WDPCP: variants seen among roughly 807,000 people sequenced by gnomAD.
WDPCP encodes WD repeat-containing and planar cell polarity effector protein fritz homolog.
WDPCP carries 71 observed loss-of-function variants against 93.1 expected under a neutral mutation model. That is an observed-to-expected ratio of 0.76 (90% CI 0.63 to 0.93). WDPCP has a LOEUF of 0.93. Ranked by LOEUF, WDPCP falls within the 40% of genes least tolerant of loss-of-function variation. The pLI is 0.00. For synonymous variants in WDPCP, 315 were observed against 315.0 expected (o/e 1.00, Z 0.00); for missense variants, 844 against 887.4 (o/e 0.95, Z 0.62).
intron 14 of WDPCP, among the ~76,000 whole-genome samples, chr2:63,184,167 T>C (rs1043873520): frequency 2.6e-5 from 4 of 152,182 alleles, no homozygotes; most frequent in African/African-American, 9.6e-5. Context: ...TATCATAATG[T>C]TAATTGTTAT....
intron 17 of WDPCP, among the ~76,000 whole-genome samples, chr2:63,142,284 T>C (rs1162996379): frequency 6.6e-6 from 1 of 152,198 alleles, no homozygotes; most frequent in Non-Finnish European, 1.5e-5. Context: ...GCTATGAACT[T>C]TCATCTTAGC....
intron 6 of WDPCP, among the ~76,000 whole-genome samples, chr2:63,456,920 G>A (rs1468398564): frequency 6.6e-6 from 1 of 152,142 alleles, no homozygotes. Context: ...GCTGAGGCAT[G>A]AGAATCACTT....
chr2:63,258,063 A>C (rs139853739), intron 14 of WDPCP, among the ~76,000 whole-genome samples: 32 of 152,298 alleles, frequency 2.1e-4, no homozygotes, highest in Non-Finnish European at 3.8e-4. Context: ...TAGCAAATAT[A>C]AATTGTACTT....
intron 15 of WDPCP, among the ~76,000 whole-genome samples, chr2:63,165,850 C>T (rs1176889588): frequency 6.6e-6 from 1 of 151,592 alleles, no homozygotes; most frequent in African/African-American, 2.4e-5. Context: ...TTTGTTTTCT[C>T]TCCTTTTTTT....
intron 2 of WDPCP, among the ~76,000 whole-genome samples, chr2:63,720,225 T>A (rs1669395180): frequency 6.6e-6 from 1 of 151,970 alleles, no homozygotes; most frequent in South Asian, 2.1e-4. Flanking sequence ...GAGACCAGCC[T>A]GGGTACATGG....
At chr2:63,185,353 CT>C (rs1316075626) in intron 14 of WDPCP, among the ~76,000 whole-genome samples, 1 of 152,088 alleles carries the variant, frequency 6.6e-6, no homozygotes, top group East Asian at 1.9e-4. Context: ...GAAATAGTCA[CT>C]TCTTATTATT....
intron 12 of WDPCP, among the ~76,000 whole-genome samples, chr2:63,325,979 A>G (rs1007755373): frequency 6.6e-6 from 1 of 152,220 alleles, no homozygotes; most frequent in Non-Finnish European, 1.5e-5. Flanking sequence ...TTGATGTAGT[A>G]GCAAAAGGTT....
At chr2:63,442,780 G>A (rs375805897) in intron 6 of WDPCP, 2 of 152,186 alleles carry the variant, frequency 1.3e-5, no homozygotes, top group African/African-American at 4.8e-5. Context: ...TCTCACCACT[G>A]CTCTCATGAA....
In WDPCP at chr2:63,381,991, C is replaced by T. The variant is rs753917889; in HGVS notation, c.1539G>A (p.Trp513Ter). 1 of 1,613,442 alleles carries T rather than the reference C, an allele frequency of 6.2e-7. No individual in the cohort carries two copies. Among genetic ancestry groups the T allele is most frequent in the Non-Finnish European group, 8.5e-7 (1 of 1,179,728 alleles). ...TAAAGCACTGGTGGCCCAGAGTGTCCCAGTTCATGCTGCTCAGGATGTTTA... is the reference window on the plus strand; with the variant it reads ...TAAAGCACTGGTGGCCCAGAGTGTCTCAGTTCATGCTGCTCAGGATGTTTA... ...EAINILSSMN[W>*]DTLGHQCFIS... The change falls in exon 11 of 18, where the codon TGG becomes TGA. Residue 513 changes from tryptophan to a stop codon, truncating the protein, a stop_gained. Coordinates refer to ENST00000272321, the MANE Select transcript of WDPCP (RefSeq NM_015910.7). LOFTEE classifies it high-confidence loss of function.
intron 1 of WDPCP, among the ~76,000 whole-genome samples, chr2:63,572,701 C>A (rs1217947698): frequency 1.2e-3 from 29 of 24,772 alleles, no homozygotes; most frequent in East Asian, 2.7e-3. Context: ...GACTCTGTCT[C>A]AAAAAAAAAA....
At chr2:63,663,933 A>C (rs937265904) in intron 2 of WDPCP, among the ~76,000 whole-genome samples, 8 of 152,096 alleles carry the variant, frequency 5.3e-5, no homozygotes, top group Non-Finnish European at 2.9e-5. Context: ...TTTCCCTCAT[A>C]TATCAACAAC....
chr2:63,378,468 T>C lies in WDPCP; in HGVS notation c.1666A>G (p.Arg556Gly). The change falls in exon 12 of 18, where the codon AGA becomes GGA. Residue 556 changes from arginine to glycine, a missense_variant. Physicochemically the swap from Arg to Gly is moderately radical, Grantham distance 125. Transcript: ENST00000272321. Reference protein sequence around the residue: ...TSLGTFYAPTRPLLDSTILEY... With the variant: ...TSLGTFYAPTGPLLDSTILEY... ...AATATAGTGGAATCCAGAAGTGGTC[T>C]TGTTGGAGCATAGAAGGTTCCAAGG... The C allele has an allele frequency of 6.2e-7, 1 of 1,613,304 alleles. No homozygotes were observed. Among genetic ancestry groups the C allele is most frequent in the Non-Finnish European group, 8.5e-7 (1 of 1,179,480 alleles).
At chr2:63,554,285 G>A (rs955097803) in intron 1 of WDPCP, among the ~76,000 whole-genome samples, 4 of 152,206 alleles carry the variant, frequency 2.6e-5, no homozygotes, top group Admixed American at 1.3e-4. Flanking sequence ...GAATACTGCA[G>A]AAATGATGCC....
chr2:63,415,325 T>A (rs1695337381), intron 9 of WDPCP, among the ~76,000 whole-genome samples: 1 of 152,152 alleles, frequency 6.6e-6, no homozygotes, highest in Admixed American at 6.5e-5. Context: ...ATCATGCCAC[T>A]GCATTCCAGG....
chr2:63,201,478 C>T (rs1322512235), intron 14 of WDPCP, among the ~76,000 whole-genome samples: 1 of 152,172 alleles, frequency 6.6e-6, no homozygotes, highest in African/African-American at 2.4e-5. Flanking sequence ...AGTTTTTACA[C>T]TGATACTCAT....
At chr2:63,512,904 A>G (rs1702328442) in intron 1 of WDPCP, among the ~76,000 whole-genome samples, 3 of 152,070 alleles carry the variant, frequency 2.0e-5, no homozygotes, top group Admixed American at 2.0e-4. Flanking sequence ...TAAAAATTAA[A>G]AAAAAAAAGA....
At chr2:63,536,553 C>T (rs1441574928) in intron 1 of WDPCP, among the ~76,000 whole-genome samples, 2 of 152,060 alleles carry the variant, frequency 1.3e-5, no homozygotes, top group Non-Finnish European at 2.9e-5. Flanking sequence ...AGGTCATGTC[C>T]TTTGTAGGGA....
At chr2:63,671,076 T>TA (rs1710340917) in intron 2 of WDPCP, among the ~76,000 whole-genome samples, 1 of 152,196 alleles carries the variant, frequency 6.6e-6, no homozygotes, top group African/African-American at 2.4e-5. Flanking sequence ...TTGAGATTTT[T>TA]AGAGAGGCTA....
At chr2:63,575,489 A>ATACACTGTGTATACACAGTGTATACGGT (rs1257278044) in intron 1 of WDPCP, among the ~76,000 whole-genome samples, 1 of 17,288 alleles carries the variant, frequency 5.8e-5, no homozygotes, top group African/African-American at 1.7e-4. Context: ...GTGTATATAT[A>ATACACTGTGTATACACAGTGTATACGGT]GTATATACAG....
Sources: allele counts gnomAD v4.1 joint callset (sites outside exome capture counted in the v4.1 genomes callset), GRCh38; gene constraint gnomAD v4.1.1; transcripts MANE v1.5; gene names NCBI Gene and HGNC (gene_info 2026-07-23, HGNC 2026-07-21).